The following DYM variants were observed in gnomAD, a reference collection of about 807,000 sequenced individuals.
DYM encodes dyggve-Melchior-Clausen syndrome protein.
DYM carries 78 observed loss-of-function variants against 93.1 expected under a neutral mutation model. The observed-to-expected ratio is 0.84, with a 90% CI of 0.70 to 1.01. DYM has a LOEUF of 1.01. DYM is among the 50% of genes least tolerant of loss of function. The pLI, the probability that DYM is intolerant of heterozygous loss-of-function variation, is 0.00. For synonymous variants in DYM, 321 were observed against 319.7 expected (o/e 1.00, Z -0.04); for missense variants, 789 against 845.0 (o/e 0.93, Z 0.82).
chr18:49,385,885 GA>G (rs971322178), intron 3 of DYM, among the ~76,000 whole-genome samples: 11 of 149,850 alleles, frequency 7.3e-5, no homozygotes, highest in Non-Finnish European at 1.6e-4. Flanking sequence ...CTTAAAAAAA[GA>G]AAAAAAAAGG....
chr18:49,225,418 T>C (rs750505318), intron 13 of DYM, among the ~76,000 whole-genome samples: 1 of 152,076 alleles, frequency 6.6e-6, no homozygotes, highest in Non-Finnish European at 1.5e-5. Flanking sequence ...GAATCTCTAG[T>C]ATGAAGGATT....
intron 14 of DYM, among the ~76,000 whole-genome samples, chr18:49,181,269 C>A (rs1247432937): frequency 6.6e-6 from 1 of 152,098 alleles, no homozygotes; most frequent in African/African-American, 2.4e-5. Flanking sequence ...CGTGGAACAG[C>A]ATGATTTTGA....
At chr18:49,098,781 G>A (rs974244888) in intron 16 of DYM, among the ~76,000 whole-genome samples, 1 of 152,210 alleles carries the variant, frequency 6.6e-6, no homozygotes, top group Non-Finnish European at 1.5e-5. Flanking sequence ...TGTTCACAGA[G>A]TTTAGACACA....
At chr18:49,109,094 T>C (rs1006607715) in intron 16 of DYM, among the ~76,000 whole-genome samples, 3 of 152,264 alleles carry the variant, frequency 2.0e-5, no homozygotes, top group African/African-American at 4.8e-5. Flanking sequence ...AACCAATCTA[T>C]TTCTTTATGT....
chr18:49,426,588 A>G (rs1037530157), intron 2 of DYM, among the ~76,000 whole-genome samples: 1 of 151,538 alleles, frequency 6.6e-6, no homozygotes, highest in Non-Finnish European at 1.5e-5. Flanking sequence ...GCCAAAAGAT[A>G]TAAACAGTTC....
intron 13 of DYM, among the ~76,000 whole-genome samples, chr18:49,247,572 T>G (rs2094199570): frequency 6.6e-6 from 1 of 152,222 alleles, no homozygotes; most frequent in African/African-American, 2.4e-5. Context: ...TGGAAGTTAT[T>G]TTAAAGTTTA....
At chr18:49,407,465 GGT>G (rs1381639534) in intron 2 of DYM, among the ~76,000 whole-genome samples, 1 of 152,182 alleles carries the variant, frequency 6.6e-6, no homozygotes, top group African/African-American at 2.4e-5. Flanking sequence ...CTCAGCTTCT[GGT>G]AAGGCCTCAG....
chr18:49,424,751 A>T (rs2074094025), intron 2 of DYM, among the ~76,000 whole-genome samples: 1 of 152,328 alleles, frequency 6.6e-6, no homozygotes, highest in South Asian at 2.1e-4. Flanking sequence ...CACCAATAAC[A>T]GACAAACAGA....
intron 13 of DYM, among the ~76,000 whole-genome samples, chr18:49,219,641 G>A (rs915130972): frequency 2.0e-5 from 3 of 151,968 alleles, no homozygotes; most frequent in African/African-American, 2.4e-5. Context: ...TATAAACAGA[G>A]CCAAAGACAA....
intron 2 of DYM, among the ~76,000 whole-genome samples, chr18:49,404,156 T>C (rs1445507685): frequency 6.6e-6 from 1 of 152,118 alleles, no homozygotes; most frequent in African/African-American, 2.4e-5. Context: ...TACAGGTGTA[T>C]GCCACCACAC....
At chr18:49,185,082 T>C (rs2090314554) in intron 14 of DYM, among the ~76,000 whole-genome samples, 1 of 152,018 alleles carries the variant, frequency 6.6e-6, no homozygotes, top group Admixed American at 6.6e-5. Flanking sequence ...GAAAGAGTAT[T>C]TCAATAAAAA....
intron 16 of DYM, among the ~76,000 whole-genome samples, chr18:49,099,145 A>C (rs2079862950): frequency 6.6e-6 from 1 of 152,224 alleles, no homozygotes; most frequent in Non-Finnish European, 1.5e-5. Context: ...CATTCTAAAA[A>C]ATAAAAAAAT....
At chr18:49,290,256 A>G (rs1326308348) in intron 8 of DYM, among the ~76,000 whole-genome samples, 5 of 152,142 alleles carry the variant, frequency 3.3e-5, no homozygotes, top group Non-Finnish European at 7.4e-5. Flanking sequence ...GTAGATGTCT[A>G]TGTACCAACA....
At chr18:49,315,695 A>G (rs2061886373) in intron 8 of DYM, among the ~76,000 whole-genome samples, 1 of 152,230 alleles carries the variant, frequency 6.6e-6, no homozygotes, top group African/African-American at 2.4e-5. Flanking sequence ...AATCTTAAAT[A>G]AAACATACAA....
At chr18:49,154,321 T>TTATTTTGA (rs1187817547) in intron 15 of DYM, among the ~76,000 whole-genome samples, 2 of 152,182 alleles carry the variant, frequency 1.3e-5, no homozygotes, top group East Asian at 3.9e-4. Flanking sequence ...ATTAATTCCT[T>TTATTTTGA]TATTTTGATA....
chr18:49,386,990 C>T (rs2068694128), intron 3 of DYM, among the ~76,000 whole-genome samples: 1 of 149,504 alleles, frequency 6.7e-6, no homozygotes, highest in Admixed American at 6.7e-5. Context: ...GTCACCTAGG[C>T]TGAATGTCGT....
At chr18:49,318,966 A>G (rs1265623546) in intron 8 of DYM, among the ~76,000 whole-genome samples, 1 of 150,478 alleles carries the variant, frequency 6.6e-6, no homozygotes, top group Non-Finnish European at 1.5e-5. Flanking sequence ...ACGCCCAACT[A>G]ATTTTTTTTT....
chr18:49,384,942 G>A (rs1467930438), intron 3 of DYM, among the ~76,000 whole-genome samples: 1 of 150,928 alleles, frequency 6.6e-6, no homozygotes, highest in Non-Finnish European at 1.5e-5. Context: ...AAAACCTTCT[G>A]AACTGAAAAA....
At chr18:49,194,360 T>C (rs1247073055) in intron 14 of DYM, among the ~76,000 whole-genome samples, 5 of 152,158 alleles carry the variant, frequency 3.3e-5, no homozygotes. Flanking sequence ...ACACTCGACA[T>C]CAACTGAGAC....
Sources: allele counts gnomAD v4.1 joint callset (sites outside exome capture counted in the v4.1 genomes callset), GRCh38; gene constraint gnomAD v4.1.1; transcripts MANE v1.5; gene names NCBI Gene and HGNC (gene_info 2026-07-23, HGNC 2026-07-21).